The following CPPED1 variants were observed in gnomAD, a reference collection of about 807,000 sequenced individuals.
CPPED1 encodes the protein serine/threonine-protein phosphatase CPPED1.
In CPPED1, 28 loss-of-function variants were observed where a neutral mutation model predicts 28.0. The observed-to-expected ratio is 1.00, with a 90% CI of 0.74 to 1.37. The LOEUF is 1.37. Ranked by LOEUF, CPPED1 falls within the 40% of genes most tolerant of loss-of-function variation. The probability of loss-of-function intolerance (pLI) is 0.00; values close to 1 mark genes in which losing one functional copy is unlikely to be tolerated. For missense variants in CPPED1, 504 were observed against 416.5 expected (o/e 1.21, Z -1.83); for synonymous variants, 198 against 180.2 (o/e 1.10, Z -0.79).
At chr16:12,679,670 C>T (rs976349399) in intron 3 of CPPED1, among the ~76,000 whole-genome samples, 8 of 152,014 alleles carry the variant, frequency 5.3e-5, no homozygotes, top group African/African-American at 1.9e-4. Context: ...GATATGCTGC[C>T]CTATTTTAGA....
intron 3 of CPPED1, among the ~76,000 whole-genome samples, chr16:12,696,812 G>A (rs953935474): frequency 3.9e-5 from 6 of 152,010 alleles, no homozygotes; most frequent in African/African-American, 2.4e-5. Flanking sequence ...GTTGGGGTGA[G>A]TACCCTCTTT....
At chr16:12,775,522 T>G (rs2080492666) in intron 2 of CPPED1, among the ~76,000 whole-genome samples, 1 of 152,196 alleles carries the variant, frequency 6.6e-6, no homozygotes, top group Admixed American at 6.5e-5. Context: ...GTTTCACATT[T>G]TGAAGCATAC....
At chr16:12,685,485 C>T (rs1190199534) in intron 3 of CPPED1, among the ~76,000 whole-genome samples, 1 of 152,104 alleles carries the variant, frequency 6.6e-6, no homozygotes, top group Admixed American at 6.6e-5. Context: ...ATAATAATAG[C>T]AATAATAATA....
At chr16:12,779,911 G>A (rs2080519898) in intron 2 of CPPED1, among the ~76,000 whole-genome samples, 1 of 152,154 alleles carries the variant, frequency 6.6e-6, no homozygotes, top group South Asian at 2.1e-4. Flanking sequence ...CTGCCTCCCT[G>A]AGGGACAGGA....
At position 12,704,798 on chromosome 16, in the gene CPPED1, G is replaced by A. The variant is rs779819553; in HGVS notation, c.541C>T (p.Gln181Ter). 6 of 1,614,112 alleles carry A rather than the reference G, an allele frequency of 3.7e-6. No homozygotes were observed. The East Asian group carries it at 1.1e-4, about 30-fold the overall frequency. The change falls in exon 3 of 4, where the codon CAG becomes TAG. Residue 181 changes from glutamine to a stop codon, truncating the protein, a stop_gained. Coordinates refer to ENST00000381774, the MANE Select transcript of CPPED1 (RefSeq NM_018340.3). LOFTEE classifies it high-confidence loss of function. ...PSKCPSLKQAQDQWLDEQLSI... is the reference protein window; with the variant it reads ...PSKCPSLKQA ...AGCTGCTCGTCCAGCCACTGGTCCT[G>A]AGCCTGCTTCAGGCTGGGGCATTTG...
chr16:12,772,519 T>C (rs981027517), intron 2 of CPPED1, among the ~76,000 whole-genome samples: 2 of 152,220 alleles, frequency 1.3e-5, no homozygotes, highest in African/African-American at 2.4e-5. Flanking sequence ...CTTTTGTGCA[T>C]GCTCCCTCTC....
chr16:12,738,492 G>A (rs778033534), intron 2 of CPPED1, among the ~76,000 whole-genome samples: 1 of 152,020 alleles, frequency 6.6e-6, no homozygotes, highest in Non-Finnish European at 1.5e-5. Context: ...GAGATGAAAT[G>A]TCTCTGAATA....
intron 2 of CPPED1, among the ~76,000 whole-genome samples, chr16:12,758,008 C>T (rs2080382745): frequency 6.6e-6 from 1 of 151,960 alleles, no homozygotes; most frequent in South Asian, 2.1e-4. Context: ...CTTCTCCAGG[C>T]AAGCTTTTGG....
chr16:12,777,903 CT>C (rs67527035), intron 2 of CPPED1, among the ~76,000 whole-genome samples: 22,422 of 126,078 alleles, frequency 0.18, 922 homozygotes, highest in South Asian at 0.31. Flanking sequence ...TTTCTATTTT[CT>C]TTTTTTTTTT....
chr16:12,793,425 T>G (rs566301202), intron 1 of CPPED1, among the ~76,000 whole-genome samples: 1 of 152,272 alleles, frequency 6.6e-6, no homozygotes, highest in Non-Finnish European at 1.5e-5. Flanking sequence ...CCTGAAACCC[T>G]TAACTGAGTT....
At chr16:12,695,277 T>C (rs2079984021) in intron 3 of CPPED1, among the ~76,000 whole-genome samples, 1 of 152,188 alleles carries the variant, frequency 6.6e-6, no homozygotes, top group African/African-American at 2.4e-5. Context: ...ATTTACTTAT[T>C]TTTTTGAGAC....
intron 2 of CPPED1, among the ~76,000 whole-genome samples, chr16:12,748,576 C>T (rs371240981): frequency 3.9e-5 from 6 of 152,094 alleles, no homozygotes; most frequent in East Asian, 1.9e-4. Flanking sequence ...ATTTACACTC[C>T]GCTGTAGTCT....
At position 12,683,567 on chromosome 16, in the gene CPPED1, C is replaced by T. The variant is rs143510129; in HGVS notation, c.716-18452G>A. 1.5e-3 allele frequency among the ~76,000 whole-genome samples: 234 copies of T among 152,294 alleles called. 4 individuals are homozygous for T. Among genetic ancestry groups the T allele is most frequent in the African/African-American group, 5.5e-3 (229 of 41,560 alleles). On this transcript the variant is annotated intron_variant, in intron 3 of 3. Transcript: ENST00000381774. ...ACTCAACCCGCTTACTTCTTTTGCCCCAATGCACACCCCTCCTCGTGTGGG... is the reference window on the plus strand; with the variant it reads ...ACTCAACCCGCTTACTTCTTTTGCCTCAATGCACACCCCTCCTCGTGTGGG...
chr16:12,795,963 G>C (rs2080625217), intron 1 of CPPED1, among the ~76,000 whole-genome samples: 1 of 151,626 alleles, frequency 6.6e-6, no homozygotes, highest in Admixed American at 6.6e-5. Context: ...TGCACCTGTA[G>C]TCCCAGCTAC....
chr16:12,800,682 A>T (rs1211670452), intron 1 of CPPED1, among the ~76,000 whole-genome samples: 1 of 151,736 alleles, frequency 6.6e-6, no homozygotes, highest in Non-Finnish European at 1.5e-5. Context: ...AGTTACCACC[A>T]CCTCCCTCTC....
intron 3 of CPPED1, among the ~76,000 whole-genome samples, chr16:12,700,060 T>C (rs1019571593): frequency 1.3e-5 from 2 of 152,200 alleles, no homozygotes; most frequent in Admixed American, 1.3e-4. Flanking sequence ...ATCCGACTCA[T>C]ATTTCCTTCT....
chr16:12,759,732 C>G lies in CPPED1; in HGVS notation c.289+21453G>C, dbSNP rs2080397177. On this transcript the variant is annotated intron_variant, in intron 2 of 3. Coordinates refer to ENST00000381774, the MANE Select transcript of CPPED1 (RefSeq NM_018340.3). ...GACCTGATGGTTTAAAAGTGTTGGG[C>G]AGTTGCCCCTTGTGCTCTCTCTCCT... Among the ~76,000 whole-genome samples, 3 of 152,190 alleles carry G rather than the reference C, an allele frequency of 2.0e-5. No homozygotes were observed. In the South Asian group the frequency reaches 6.2e-4, roughly 31 times the overall value.
chr16:12,732,234 GA>G (rs36072985), intron 2 of CPPED1, among the ~76,000 whole-genome samples: 82,420 of 138,516 alleles, frequency 0.6, 23,454 homozygotes, highest in Admixed American at 0.65. Flanking sequence ...AAGGAATAAT[GA>G]AAAAAAAAAA....
At chr16:12,675,813 G>A (rs955136924) in intron 3 of CPPED1, among the ~76,000 whole-genome samples, 2 of 152,174 alleles carry the variant, frequency 1.3e-5, no homozygotes, top group Non-Finnish European at 2.9e-5. Context: ...CAGTGGTAGG[G>A]AAAAATGTGA....
Sources: allele counts gnomAD v4.1 joint callset (sites outside exome capture counted in the v4.1 genomes callset), GRCh38; gene constraint gnomAD v4.1.1; transcripts MANE v1.5; gene names NCBI Gene and HGNC (gene_info 2026-07-23, HGNC 2026-07-21).